ABCA10: variants seen among roughly 807,000 people sequenced by gnomAD.
ABCA10 encodes the protein ATP-binding cassette sub-family A member 10.
Under a neutral mutation model 187.5 loss-of-function variants are expected in ABCA10, and 169 were observed. The ratio of observed to expected loss-of-function variants is 0.90; its 90% CI spans 0.80 to 1.02. The LOEUF (loss-of-function observed/expected upper bound fraction) is 1.02. ABCA10 is among the 50% of genes least tolerant of loss of function. ABCA10 has a pLI of 0.00. For missense variants in ABCA10, 1,727 were observed against 1,812.4 expected, an observed-to-expected ratio of 0.95 and a Z score of 0.86; for synonymous variants, 574 against 601.8, an observed-to-expected ratio of 0.95 and a Z score of 0.68.
chr17:69,156,907 A>G lies in ABCA10; in HGVS notation c.3380T>C (p.Val1127Ala), dbSNP rs1598086518. Residue 1127 changes from valine to alanine, a missense_variant, in exon 28 of 39, where the codon GTT becomes GCT. By Grantham distance (64) the Val-to-Ala change is moderately conservative. Coordinates refer to ENST00000690296, the MANE Select transcript of ABCA10 (RefSeq NM_001377321.1). ...LTTLIPYLQS[V>A]IFLFVIRCLE... ...ACACCTTATGACAAAAAGGAAAATAACACTCTGAAGGTATGGCTAAAAGAA... is the reference window on the plus strand; with the variant it reads ...ACACCTTATGACAAAAAGGAAAATAGCACTCTGAAGGTATGGCTAAAAGAA... 6.3e-7 allele frequency: 1 copy of G among 1,585,494 alleles called. No individual in the cohort carries two copies. The highest frequency in any genetic ancestry group is 1.8e-5 in the Admixed American group (1 of 56,676).
chr17:69,150,994 CTTG>C (rs1479937266), intron 36 of ABCA10, among the ~76,000 whole-genome samples: 1 of 152,174 alleles, frequency 6.6e-6, no homozygotes, highest in East Asian at 1.9e-4. Flanking sequence ...TCCTATCTCT[CTTG>C]TTGGCCTCAA....
intron 3 of ABCA10, 78 bp downstream of exon 3, chr17:69,225,247 G>A: frequency 1.3e-6 from 2 of 1,490,826 alleles, no homozygotes; most frequent in Non-Finnish European, 1.9e-6. Flanking sequence ...CACAGGCTAG[G>A]TAAGTAAATT....
intron 1 of ABCA10, among the ~76,000 whole-genome samples, chr17:69,236,464 C>CA (rs2074871878): frequency 6.6e-6 from 1 of 152,166 alleles, no homozygotes; most frequent in Non-Finnish European, 1.5e-5. Context: ...AGTCTGCAGA[C>CA]AGAGTCTATG....
upstream of ABCA10, among the ~76,000 whole-genome samples, chr17:69,229,424 G>A (rs115057278): frequency 8.9e-4 from 135 of 152,014 alleles, no homozygotes; most frequent in African/African-American, 3.1e-3. Flanking sequence ...TAGACTAGAT[G>A]GCATAACTTT....
intron 27 of ABCA10, among the ~76,000 whole-genome samples, chr17:69,162,838 C>CATATACATATACATAT (rs375141032): frequency 0.094 from 11,290 of 120,340 alleles, 586 homozygotes; most frequent in Non-Finnish European, 0.11. Context: ...TATACATATA[C>CATATACATATACATAT]ATATATATAT....
intron 11 of ABCA10, among the ~76,000 whole-genome samples, 190 bp downstream of exon 11, chr17:69,196,874 G>A (rs1453802626): frequency 6.6e-6 from 1 of 152,194 alleles, no homozygotes; most frequent in Admixed American, 6.5e-5. Flanking sequence ...CCAGTCAGGC[G>A]TGGCAGCACG....
At chr17:69,157,869 T>C (rs1297087860) in intron 27 of ABCA10, among the ~76,000 whole-genome samples, 1 of 152,022 alleles carries the variant, frequency 6.6e-6, no homozygotes, top group African/African-American at 2.4e-5. Flanking sequence ...AATATAAATA[T>C]TTTAGAAAAT....
chr17:69,170,277 G>C (rs1431370969), intron 25 of ABCA10, among the ~76,000 whole-genome samples: 1 of 107,508 alleles, frequency 9.3e-6, no homozygotes, highest in Non-Finnish European at 1.9e-5. Context: ...AACAGAGTGA[G>C]ATTCCGTCTC....
intron 9 of ABCA10, among the ~76,000 whole-genome samples, chr17:69,211,526 A>C (rs753245402): frequency 2.0e-5 from 3 of 150,804 alleles, no homozygotes; most frequent in Non-Finnish European, 3.0e-5. Flanking sequence ...CTCTTTCTCT[A>C]TCTTTTGAAA....
At chr17:69,235,895 T>C (rs2074866769) in intron 1 of ABCA10, among the ~76,000 whole-genome samples, 1 of 152,208 alleles carries the variant, frequency 6.6e-6, no homozygotes, top group Non-Finnish European at 1.5e-5. Context: ...CCCAGCACAG[T>C]TACAACTCTG....
At chr17:69,229,143 C>G (rs1463936797), upstream of ABCA10, among the ~76,000 whole-genome samples, 13 of 152,066 alleles carry the variant, frequency 8.5e-5, no homozygotes, top group Non-Finnish European at 1.0e-4. Context: ...TTCCTATGTA[C>G]TAGAAAGTGT....
rs2074177454 is a variant in ABCA10, at chr17:69,156,776, T to C, written c.3455+56A>G. Reference sequence around the variant, plus strand: ...ACAAATAAATAAATGAAATTATAAATTTAAAAAGACTAAATATTTAGATTA... The same window carrying C: ...ACAAATAAATAAATGAAATTATAAACTTAAAAAGACTAAATATTTAGATTA... On this transcript the variant is annotated intron_variant, in intron 28 of 38. Coordinates refer to ENST00000690296, the MANE Select transcript of ABCA10 (RefSeq NM_001377321.1). 4.9e-5 allele frequency: 54 copies of C among 1,097,766 alleles called. 1 individual carries two copies. In the South Asian group the frequency reaches 1.3e-3, roughly 26 times the overall value. 68.0% of individuals were successfully genotyped at this position (1,097,766 alleles called of 1,614,324 possible).
At chr17:69,211,348 TATATA>T (rs2074656019) in intron 9 of ABCA10, among the ~76,000 whole-genome samples, 1 of 23,712 alleles carries the variant, frequency 4.2e-5, no homozygotes, top group Non-Finnish European at 1.0e-4. Flanking sequence ...TATATATATA[TATATA>T]TATATATACA....
At chr17:69,244,209 G>A (rs760603027) in intron 1 of ABCA10, 4 of 151,978 alleles carry the variant, frequency 2.6e-5, no homozygotes, top group Non-Finnish European at 5.9e-5. Flanking sequence ...AACATACCTA[G>A]TTTATGTTTA....
intron 27 of ABCA10, among the ~76,000 whole-genome samples, chr17:69,161,838 C>T (rs868584303): frequency 8.5e-5 from 13 of 152,182 alleles, no homozygotes; most frequent in Admixed American, 8.5e-4. Flanking sequence ...GTGAAATCAT[C>T]GATGCTGTAA....
intron 9 of ABCA10, among the ~76,000 whole-genome samples, chr17:69,211,369 A>G (rs1329069394): frequency 1.5e-5 from 2 of 135,454 alleles, no homozygotes; most frequent in African/African-American, 5.5e-5. Context: ...ATACACACAC[A>G]CCACATTTTC....
intron 16 of ABCA10, among the ~76,000 whole-genome samples, chr17:69,192,361 C>T (rs542028619): frequency 2.7e-4 from 41 of 152,142 alleles, no homozygotes; most frequent in African/African-American, 9.9e-4. Context: ...AAGAAGTATA[C>T]TTTGTTTTTT....
intron 20 of ABCA10, 125 bp from the exon 21 acceptor site, chr17:69,182,933 C>A: frequency 1.6e-6 from 2 of 1,233,954 alleles, no homozygotes; most frequent in Non-Finnish European, 2.2e-6. Context: ...AGTAAAGAGC[C>A]TTGCTCTTTA....
chr17:69,229,491 A>G (rs1159218498), upstream of ABCA10, among the ~76,000 whole-genome samples: 1 of 152,030 alleles, frequency 6.6e-6, no homozygotes, highest in African/African-American at 2.4e-5. Context: ...TCAGAATGGC[A>G]AATAATGCCT....
Sources: allele counts gnomAD v4.1 joint callset (sites outside exome capture counted in the v4.1 genomes callset), GRCh38; gene constraint gnomAD v4.1.1; transcripts MANE v1.5; gene names NCBI Gene and HGNC (gene_info 2026-07-23, HGNC 2026-07-21).